Variants in ZCWPW1 observed in about 807,000 individuals in gnomAD.
ZCWPW1 encodes the protein zinc finger CW-type and PWWP domain containing 1, also known as zinc finger CW-type PWWP domain protein 1.
Under a neutral mutation model 81.3 loss-of-function variants are expected in ZCWPW1, and 56 were observed. The ratio of observed to expected loss-of-function variants is 0.69; its 90% confidence interval spans 0.56 to 0.86. ZCWPW1 has a LOEUF of 0.86. Ranked by LOEUF, ZCWPW1 falls within the 40% of genes least tolerant of loss-of-function variation. The probability of loss-of-function intolerance (pLI) is 0.00; values close to 1 mark genes in which losing one functional copy is unlikely to be tolerated. For synonymous variants in ZCWPW1, 250 were observed against 273.7 expected, an observed-to-expected ratio of 0.91 and a Z score of 0.86; for missense variants, 650 against 769.8, an observed-to-expected ratio of 0.84 and a Z score of 1.84.
At position 100,405,087 on chromosome 7, in the gene ZCWPW1, G is replaced by A. The variant is rs79146967; in HGVS notation, c.1180C>T (p.Arg394Cys). Residue 394 changes from arginine (R) to cysteine (C), a missense_variant, in exon 13 of 18, where the codon CGC (arginine) becomes TGC (cysteine). Physicochemically the swap from Arg to Cys is radical, Grantham distance 180. Coordinates refer to ENST00000684423, the MANE Select transcript of ZCWPW1 (RefSeq NM_001386010.1). ...LSLELSVMKK[R>C]RNDCSQKLGV... is the part of the protein sequence containing the mutation. Reference sequence around the variant, plus strand: ...AGTTTCTGGCTGCAGTCATTTCTGCGCTTTTTCTGAAATAGAAGATTAGAG... The same window carrying A: ...AGTTTCTGGCTGCAGTCATTTCTGCACTTTTTCTGAAATAGAAGATTAGAG... 75 of 1,612,014 alleles carry A rather than the reference G, an allele frequency of 4.7e-5. No homozygotes were observed. The African/African-American group carries it at 8.9e-4, about 19-fold the overall frequency.
At position 100,428,677 on chromosome 7, in the gene ZCWPW1, G is replaced by C. The variant is rs1226158836; in HGVS notation, c.-246C>G. On this transcript the variant is annotated 5_prime_UTR_variant, in exon 1 of 18. Coordinates refer to ENST00000684423, the MANE Select transcript of ZCWPW1 (RefSeq NM_001386010.1). Reference sequence around the variant, plus strand: ...GGCGGCGCATCTCCCCGGGAAAACGGCGTAGACTCGCTTCTTCCTCATTGG... The same window carrying C: ...GGCGGCGCATCTCCCCGGGAAAACGCCGTAGACTCGCTTCTTCCTCATTGG... The C allele has an allele frequency of 1.3e-5, 2 of 152,310 alleles. No individual in the cohort carries two copies. The highest frequency in any genetic ancestry group is 2.9e-5 in the Non-Finnish European group (2 of 68,114). The allele number at this position is 152,310 out of a possible 1,614,324, so 9.4% of individuals were successfully genotyped here. A position where few individuals can be genotyped will look rare whatever the true frequency, so the allele number is the denominator to read the frequency against.
At chr7:100,401,543 T>C (rs1285551023) in intron 17 of ZCWPW1, among the ~76,000 whole-genome samples, 1 of 152,186 alleles carries the variant, frequency 6.6e-6, no homozygotes, top group Non-Finnish European at 1.5e-5. Context: ...TTTAAATCCT[T>C]TGAGCCTCAG....
intron 16 of ZCWPW1, 48 bp from the exon 17 acceptor site, chr7:100,402,089 C>T (rs774844167): frequency 6.4e-7 from 1 of 1,565,148 alleles, no homozygotes; most frequent in Non-Finnish European, 8.7e-7. Context: ...GACAACTCGG[C>T]AAGGGCAGAT....
intron 2 of ZCWPW1, among the ~76,000 whole-genome samples, chr7:100,423,337 T>C (rs1370566864): frequency 6.6e-6 from 1 of 152,198 alleles, no homozygotes; most frequent in Non-Finnish European, 1.5e-5. Context: ...GATCCCCCAC[T>C]ATAAAGAGAT....
chr7:100,406,710 A>G lies in ZCWPW1; in HGVS notation c.1157T>C (p.Leu386Pro). 1 of 1,614,144 alleles carries G rather than the reference A, an allele frequency of 6.2e-7. No homozygotes were observed. Among genetic ancestry groups the G allele is most frequent in the Non-Finnish European group, 8.5e-7 (1 of 1,179,970 alleles). The part of the protein sequence containing the change: ...NMLKNFQELS[L>P]ELSVMKKRRN... ...TGTGCTCACCATGACTGATAGCTCC[A>G]GGGACAGCTCCTGGAAGTTCTTTAG... Residue 386 changes from leucine (L) to proline (P), a missense_variant, in exon 12 of 18, where the codon CTG becomes CCG. Physicochemically the swap from Leu to Pro is moderately conservative, Grantham distance 98 (BLOSUM62 -3). Coordinates refer to ENST00000684423, the MANE Select transcript of ZCWPW1 (RefSeq NM_001386010.1).
At chr7:100,419,959 A>G in intron 3 of ZCWPW1, 76 bp from the exon 4 acceptor site, 1 of 1,208,570 alleles carries the variant, frequency 8.3e-7, no homozygotes. Flanking sequence ...CCCTTTGACT[A>G]GCCATAACAG....
chr7:100,418,895 C>T, intron 5 of ZCWPW1: 1 of 348,060 alleles, frequency 2.9e-6, no homozygotes, highest in East Asian at 4.4e-5. Flanking sequence ...CAATGTAATC[C>T]ACTTTTTCTA....
Sources: allele counts gnomAD v4.1 joint callset (sites outside exome capture counted in the v4.1 genomes callset), GRCh38; gene constraint gnomAD v4.1.1; transcripts MANE v1.5; gene names NCBI Gene and HGNC (gene_info 2026-07-23, HGNC 2026-07-21).